The following JMJD1C variants were observed in gnomAD, a reference collection of about 807,000 sequenced individuals.
The protein encoded by JMJD1C is jumonji domain containing 1C, also known as jumonji domain-containing protein 1C.
A neutral mutation model predicts 245.3 loss-of-function variants in JMJD1C; 31 were observed. The ratio of observed to expected loss-of-function variants is 0.13; its 90% CI spans 0.09 to 0.17. JMJD1C has a LOEUF of 0.17. Ranked by LOEUF, JMJD1C falls within the 10% of genes least tolerant of loss-of-function variation. The probability of loss-of-function intolerance (pLI) is 1.00; values close to 1 mark genes in which losing one functional copy is unlikely to be tolerated. For missense variants in JMJD1C, 2,691 were observed against 3,000.2 expected (o/e 0.90, Z 2.41); for synonymous variants, 1,057 against 1,017.4 (o/e 1.04, Z -0.74).
rs551697214 is a variant in JMJD1C, at chr10:63,319,210, C to T, written c.334-54446G>A. Among the ~76,000 whole-genome samples, 50 of 142,694 alleles carry T rather than the reference C, an allele frequency of 3.5e-4. No homozygotes were observed. The East Asian group carries it at 0.011, about 30-fold the overall frequency. 93.6% of individuals were successfully genotyped at this position (142,694 alleles called of 152,430 possible). On this transcript the variant is annotated intron_variant, in intron 2 of 25. Transcript: ENST00000399262. Reference sequence around the variant, plus strand: ...AGGCGGAGCTTGCAGTGTGCTGAGACTGCGCCACTGCACTCCAGCCTGGGC... The same window carrying T: ...AGGCGGAGCTTGCAGTGTGCTGAGATTGCGCCACTGCACTCCAGCCTGGGC...
intron 1 of JMJD1C, among the ~76,000 whole-genome samples, chr10:63,387,632 T>A (rs1299922471): frequency 2.9e-5 from 3 of 102,066 alleles, no homozygotes; most frequent in African/African-American, 4.3e-5. Flanking sequence ...AAAAAAAATT[T>A]TTTTTTTTTT....
At chr10:63,407,770 A>T (rs1949254446) in intron 1 of JMJD1C, among the ~76,000 whole-genome samples, 1 of 151,960 alleles carries the variant, frequency 6.6e-6, no homozygotes, top group Non-Finnish European at 1.5e-5. Flanking sequence ...AAAATACCAT[A>T]ATCAAAAGCA....
chr10:63,337,459 G>T (rs561713152), intron 2 of JMJD1C, among the ~76,000 whole-genome samples: 3 of 75,170 alleles, frequency 4.0e-5, no homozygotes, highest in South Asian at 1.0e-3. Flanking sequence ...GAGAAGGCGG[G>T]GGGGGGGGAG....
rs76260744 is a variant in JMJD1C, at chr10:63,222,016, C to A, written c.448-2033G>T. ...GTATTACAGGCGTGAGCCACCACAT[C>A]TGGCCCATAGAAAACTATTTTACAA... On this transcript the variant is annotated intron_variant, in intron 3 of 25. Coordinates refer to ENST00000399262, the MANE Select transcript of JMJD1C (RefSeq NM_032776.3). 1,829 of 386,422 alleles carry A rather than the reference C, an allele frequency of 4.7e-3. 29 individuals are homozygous for A. Among genetic ancestry groups the A allele is most frequent in the African/African-American group, 0.034 (1,650 of 48,094 alleles). 23.9% of individuals were successfully genotyped at this position (386,422 alleles called of 1,614,324 possible).
intron 2 of JMJD1C, among the ~76,000 whole-genome samples, chr10:63,305,683 T>TGTGTGTGTGTG (rs71025152): frequency 1.2e-3 from 180 of 146,414 alleles, no homozygotes; most frequent in Middle Eastern, 3.5e-3. Flanking sequence ...TGTGTGTGTG[T>TGTGTGTGTGTG]TGAAAGATCT....
chr10:63,337,831 G>A (rs1372817643), intron 2 of JMJD1C, among the ~76,000 whole-genome samples: 1 of 152,032 alleles, frequency 6.6e-6, no homozygotes, highest in Non-Finnish European at 1.5e-5. Context: ...GTGACATTCT[G>A]TTGTTATTAC....
At position 63,208,913 on chromosome 10, in the gene JMJD1C, C is replaced by T. The variant is rs1173697954; in HGVS notation, c.2868-112G>A. 4.9e-6 allele frequency: 5 copies of T among 1,024,312 alleles called. No homozygotes were observed. The Admixed American group carries it at 1.4e-4, about 28-fold the overall frequency. The allele number at this position is 1,024,312 out of a possible 1,614,324, so 63.5% of individuals were successfully genotyped here. A position where few individuals can be genotyped will look rare whatever the true frequency, so the allele number is the denominator to read the frequency against. On this transcript the variant is annotated intron_variant, in intron 9 of 25. Transcript: ENST00000399262. Reference sequence around the variant, plus strand: ...AAAGTAAAAGACATCTTTGCATGTACTCTAATACTATAATAAATTTGAAGA... The same window carrying T: ...AAAGTAAAAGACATCTTTGCATGTATTCTAATACTATAATAAATTTGAAGA...
At chr10:63,227,263 G>C (rs1008399686) in intron 3 of JMJD1C, among the ~76,000 whole-genome samples, 2 of 152,134 alleles carry the variant, frequency 1.3e-5, no homozygotes, top group South Asian at 4.1e-4. Flanking sequence ...TTATGAAAAT[G>C]TTAAAAATAT....
At chr10:63,437,925 CTCATA>C (rs1951148431) in intron 1 of JMJD1C, among the ~76,000 whole-genome samples, 1 of 152,242 alleles carries the variant, frequency 6.6e-6, no homozygotes, top group Admixed American at 6.5e-5. Context: ...TCCCTTCTTT[CTCATA>C]TATCTAATCT....
intron 1 of JMJD1C, among the ~76,000 whole-genome samples, chr10:63,430,931 G>A (rs1332976558): frequency 2.0e-5 from 3 of 151,948 alleles, no homozygotes; most frequent in South Asian, 2.1e-4. Context: ...GTTTTGTTTC[G>A]TTCGATGAAG....
At chr10:63,474,834 A>T (rs1024162533) in intron 1 of JMJD1C, among the ~76,000 whole-genome samples, 2 of 151,396 alleles carry the variant, frequency 1.3e-5, no homozygotes, top group African/African-American at 2.4e-5. Flanking sequence ...TATGTAGTCC[A>T]GTCAGCCTAC....
At position 63,184,682 on chromosome 10, in the gene JMJD1C, T is replaced by C; in HGVS notation, c.6887A>G (p.Lys2296Arg). 6.2e-7 allele frequency: 1 copy of C among 1,613,824 alleles called. No individual in the cohort carries two copies. The highest frequency in any genetic ancestry group is 8.5e-7 in the Non-Finnish European group (1 of 1,179,766). The part of the protein sequence containing the change: ...PLPEYCNPEG[K>R]FNLASHLPGF... ...TGGCAAATGAGAGGCCAAATTGAAT[T>C]TTCCTTCTGGATTACAATATTCTGG... The change falls in exon 21 of 26, where the codon AAA becomes AGA. Residue 2296 changes from lysine (K) to arginine (R), a missense_variant. Lys to Arg is a conservative substitution (Grantham distance 26). Around this residue, in one of 9 missense-constraint regions of JMJD1C, gnomAD observed 232 missense variants for 416.1 expected, o/e 0.56. Transcript: ENST00000399262.
intron 3 of JMJD1C, among the ~76,000 whole-genome samples, chr10:63,254,482 T>A (rs373343242): frequency 2.0e-5 from 3 of 152,204 alleles, no homozygotes; most frequent in Non-Finnish European, 4.4e-5. Flanking sequence ...CACTTCACAC[T>A]GGATGGCTCA....
chr10:63,258,636 C>T (rs1219829532), intron 3 of JMJD1C, among the ~76,000 whole-genome samples: 2 of 152,168 alleles, frequency 1.3e-5, no homozygotes, highest in Non-Finnish European at 2.9e-5. Flanking sequence ...CCCCACCAAC[C>T]CCACCTCATC....
At chr10:63,411,402 G>A (rs1352627721) in intron 1 of JMJD1C, among the ~76,000 whole-genome samples, 1 of 150,022 alleles carries the variant, frequency 6.7e-6, no homozygotes, top group Non-Finnish European at 1.5e-5. Context: ...GGGGTCAAGC[G>A]ATTCTCCTGC....
intron 2 of JMJD1C, among the ~76,000 whole-genome samples, chr10:63,266,080 T>C (rs1855539422): frequency 6.6e-6 from 1 of 152,008 alleles, no homozygotes; most frequent in South Asian, 2.1e-4. Context: ...AATATTAAAT[T>C]TAAGCAAGTC....
intron 1 of JMJD1C, among the ~76,000 whole-genome samples, chr10:63,383,873 G>T (rs1039753078): frequency 6.6e-6 from 1 of 152,078 alleles, no homozygotes; most frequent in African/African-American, 2.4e-5. Context: ...AGCTCAAGGT[G>T]GGGTGTTTGT....
At chr10:63,231,934 TTCAAGCAATTC>T (rs1274001797) in intron 3 of JMJD1C, among the ~76,000 whole-genome samples, 1 of 152,020 alleles carries the variant, frequency 6.6e-6, no homozygotes, top group Non-Finnish European at 1.5e-5. Flanking sequence ...GTCTCCTGGG[TTCAAGCAATTC>T]TCCTGCCTCA....
At chr10:63,193,293 T>C (rs959764737) in intron 15 of JMJD1C, 52 bp downstream of exon 15, 55 of 1,529,890 alleles carry the variant, frequency 3.6e-5, no homozygotes, top group African/African-American at 8.3e-5. Context: ...AATATCAAAG[T>C]TGACTAATTT....
Sources: allele counts gnomAD v4.1 joint callset (sites outside exome capture counted in the v4.1 genomes callset), GRCh38; gene constraint gnomAD v4.1.1; regional missense constraint gnomAD v4.1.1; transcripts MANE v1.5; gene names NCBI Gene and HGNC (gene_info 2026-07-23, HGNC 2026-07-21).